Variants in HRH1 observed in about 807,000 individuals in gnomAD.
The protein encoded by HRH1 is histamine H1 receptor.
HRH1 carries 6 observed loss-of-function variants against 10.3 expected under a neutral mutation model. The observed-to-expected ratio is 0.58, with a 90% CI of 0.32 to 1.15. The LOEUF is 1.15. Ranked by LOEUF, HRH1 falls within the 50% of genes most tolerant of loss-of-function variation. The probability of loss-of-function intolerance (pLI) is 0.05; values close to 1 mark genes in which losing one functional copy is unlikely to be tolerated. For synonymous variants in HRH1, 242 were observed against 236.7 expected (o/e 1.02, Z -0.21); for missense variants, 514 against 615.3 (o/e 0.84, Z 1.74).
chr3:11,140,351 G>A (rs535881354), intron 1 of HRH1, among the ~76,000 whole-genome samples: 8 of 152,104 alleles, frequency 5.3e-5, no homozygotes, highest in Non-Finnish European at 8.8e-5. Flanking sequence ...CTCCTTAGGC[G>A]TGGCAGTTGA....
chr3:11,176,018 A>T (rs907082400), intron 1 of HRH1, among the ~76,000 whole-genome samples: 6 of 151,956 alleles, frequency 3.9e-5, no homozygotes, highest in African/African-American at 1.5e-4. Flanking sequence ...ATAAATAAAT[A>T]CAAAATTAGC....
At chr3:11,234,604 G>T (rs1307300659) in intron 1 of HRH1, 13 of 1,436,942 alleles carry the variant, frequency 9.0e-6, no homozygotes, top group Admixed American at 1.7e-5. Context: ...CACCAATTCT[G>T]CATTGCTTGG....
At chr3:11,185,093 T>C (rs1351003471) in intron 1 of HRH1, among the ~76,000 whole-genome samples, 1 of 150,702 alleles carries the variant, frequency 6.6e-6, no homozygotes, top group Non-Finnish European at 1.5e-5. Context: ...GCCCCAAATA[T>C]ACATCCTCAG....
chr3:11,223,071 G>C (rs1360068472), intron 1 of HRH1, among the ~76,000 whole-genome samples: 1 of 150,874 alleles, frequency 6.6e-6, no homozygotes, highest in Non-Finnish European at 1.5e-5. Flanking sequence ...TGTAGTCCCA[G>C]CTACTCAGGA....
At chr3:11,219,687 C>T (rs971160631) in intron 1 of HRH1, among the ~76,000 whole-genome samples, 6 of 120,832 alleles carry the variant, frequency 5.0e-5, no homozygotes, top group Non-Finnish European at 8.0e-5. Flanking sequence ...CACTCCAGCT[C>T]GGGCAATAAG....
intron 1 of HRH1, among the ~76,000 whole-genome samples, chr3:11,208,873 A>T (rs1327715344): frequency 6.6e-6 from 1 of 152,230 alleles, no homozygotes; most frequent in African/African-American, 2.4e-5. Context: ...GGGATGAAAG[A>T]TTCTCAGAAG....
intron 1 of HRH1, among the ~76,000 whole-genome samples, chr3:11,184,342 A>G (rs2125018482): frequency 1.3e-5 from 2 of 152,294 alleles, no homozygotes; most frequent in South Asian, 4.1e-4. Context: ...AGGTTAAGTA[A>G]CTTGCCTAAA....
At chr3:11,253,877 T>A (rs1939715061) in intron 1 of HRH1, among the ~76,000 whole-genome samples, 1 of 152,180 alleles carries the variant, frequency 6.6e-6, no homozygotes. Context: ...ATCGATCTGA[T>A]CTGCCACTCC....
At chr3:11,167,282 C>G (rs1340118852) in intron 1 of HRH1, among the ~76,000 whole-genome samples, 5 of 104,478 alleles carry the variant, frequency 4.8e-5, no homozygotes, top group African/African-American at 1.2e-4. Context: ...CTGTCCCCTG[C>G]ATTCTCCAGG....
intron 1 of HRH1, among the ~76,000 whole-genome samples, chr3:11,204,646 T>C (rs1243038443): frequency 1.3e-5 from 2 of 152,180 alleles, no homozygotes; most frequent in Non-Finnish European, 2.9e-5. Flanking sequence ...AACTACGTGT[T>C]AGGTGCTTTA....
intron 1 of HRH1, among the ~76,000 whole-genome samples, chr3:11,177,715 A>T (rs1488099228): frequency 3.3e-5 from 5 of 152,176 alleles, no homozygotes; most frequent in Admixed American, 2.6e-4. Context: ...GGCCTAGTAC[A>T]TCCCAGGCAT....
intron 1 of HRH1, among the ~76,000 whole-genome samples, chr3:11,174,232 A>G (rs904245080): frequency 1.3e-5 from 2 of 152,228 alleles, no homozygotes; most frequent in Non-Finnish European, 2.9e-5. Context: ...TTAGGGAAGC[A>G]TCGTGTGTGT....
intron 1 of HRH1, among the ~76,000 whole-genome samples, chr3:11,162,365 G>A (rs750842423): frequency 1.3e-5 from 2 of 151,802 alleles, no homozygotes; most frequent in African/African-American, 2.4e-5. Flanking sequence ...GGGGGAGTGC[G>A]GGCAAGGGGG....
intron 1 of HRH1, among the ~76,000 whole-genome samples, chr3:11,212,409 G>T (rs971038794): frequency 1.1e-4 from 17 of 152,114 alleles, no homozygotes; most frequent in African/African-American, 4.1e-4. Flanking sequence ...ACTGCCTCTT[G>T]TTAGCAAAGG....
chr3:11,158,813 AT>A (rs1465885408), intron 1 of HRH1, among the ~76,000 whole-genome samples: 1 of 152,228 alleles, frequency 6.6e-6, no homozygotes, highest in African/African-American at 2.4e-5. Flanking sequence ...ATTCAAAAAA[AT>A]GTATTTGTAG....
intron 1 of HRH1, among the ~76,000 whole-genome samples, chr3:11,221,368 C>T (rs1344460232): frequency 1.3e-5 from 2 of 151,916 alleles, no homozygotes; most frequent in Non-Finnish European, 2.9e-5. Flanking sequence ...GCCTGGGCAA[C>T]ACGGTGAAAC....
intron 1 of HRH1, among the ~76,000 whole-genome samples, chr3:11,180,282 A>G (rs1034518018): frequency 1.3e-5 from 2 of 152,104 alleles, no homozygotes; most frequent in African/African-American, 4.8e-5. Flanking sequence ...CCTTTTTGGC[A>G]CCAGGGACCA....
At chr3:11,204,380 G>A (rs1191436075) in intron 1 of HRH1, among the ~76,000 whole-genome samples, 1 of 152,188 alleles carries the variant, frequency 6.6e-6, no homozygotes, top group African/African-American at 2.4e-5. Context: ...AGACAGTGCT[G>A]TTTGAGCTGA....
At chr3:11,209,694 G>A (rs1938259443) in intron 1 of HRH1, among the ~76,000 whole-genome samples, 1 of 152,152 alleles carries the variant, frequency 6.6e-6, no homozygotes, top group African/African-American at 2.4e-5. Context: ...TCTGGTGTAG[G>A]GCCTCTTCTC....
Sources: allele counts gnomAD v4.1 joint callset (sites outside exome capture counted in the v4.1 genomes callset), GRCh38; gene constraint gnomAD v4.1.1; transcripts MANE v1.5; gene names NCBI Gene and HGNC (gene_info 2026-07-23, HGNC 2026-07-21).